The following OSTC variants were observed in gnomAD, a reference collection of about 807,000 sequenced individuals.
The protein encoded by OSTC is oligosaccharyltransferase complex subunit OSTC.
OSTC carries 16 observed loss-of-function variants against 16.4 expected under a neutral mutation model. That is an observed-to-expected ratio of 0.98 (90% CI 0.66 to 1.49). OSTC has a LOEUF of 1.49. Ranked by LOEUF, OSTC falls within the 40% of genes most tolerant of loss-of-function variation. The pLI, the probability that OSTC is intolerant of heterozygous loss-of-function variation, is 0.00. For missense variants in OSTC, 139 were observed against 186.3 expected, an observed-to-expected ratio of 0.75 and a Z score of 1.48; for synonymous variants, 67 against 68.5, an observed-to-expected ratio of 0.98 and a Z score of 0.11.
At position 108,667,307 on chromosome 4, in the gene OSTC, T is replaced by C. The variant is rs1245695939; in HGVS notation, c.*42T>C. ...AATCAGTGGATACTGGATTTGCTCC[T>C]GTCAATGAAGTTTTAAAGGCTGTAC... is the stretch of plus-strand genomic sequence containing the variant. On this transcript the variant is annotated 3_prime_UTR_variant, in exon 4 of 4. Coordinates refer to ENST00000361564, the MANE Select transcript of OSTC (RefSeq NM_021227.4). 1.9e-6 allele frequency: 3 copies of C among 1,578,010 alleles called. No homozygotes were observed. Among genetic ancestry groups the C allele is most frequent in the Non-Finnish European group, 2.6e-6 (3 of 1,152,160 alleles).
intron 1 of OSTC, chr4:108,652,379 C>T (rs955130098): frequency 6.6e-6 from 1 of 152,112 alleles, no homozygotes; most frequent in Non-Finnish European, 1.5e-5. Context: ...CGAGAAGCCT[C>T]AGTTTTCTTT....
At chr4:108,658,034 T>C (rs1477735966) in intron 3 of OSTC, among the ~76,000 whole-genome samples, 1 of 149,190 alleles carries the variant, frequency 6.7e-6, no homozygotes, top group African/African-American at 2.5e-5. Flanking sequence ...CGGGCTCAAG[T>C]GATGCTCCTG....
At chr4:108,666,487 A>C (rs2060585) in intron 3 of OSTC, among the ~76,000 whole-genome samples, 122,693 of 151,814 alleles carry the variant, frequency 0.81, 49,875 homozygotes, top group East Asian at 1. Flanking sequence ...AGGTGGATGG[A>C]TTAACTGAGG....
chr4:108,665,445 CTTTT>C (rs371138600), intron 3 of OSTC, among the ~76,000 whole-genome samples: 1 of 114,128 alleles, frequency 8.8e-6, no homozygotes, highest in Non-Finnish European at 1.8e-5. Context: ...TGTTGTAAAC[CTTTT>C]TTTTTTTTTT....
At chr4:108,651,187 G>C (rs1030384021) in intron 1 of OSTC, 2 of 181,806 alleles carry the variant, frequency 1.1e-5, no homozygotes, top group African/African-American at 4.7e-5. Context: ...GTCCTGGGAA[G>C]GTCTAATTTG....
In OSTC at chr4:108,650,749, A is replaced by G. The variant is rs751315559; in HGVS notation, c.94A>G (p.Thr32Ala). The change falls in exon 1 of 4, where the codon ACT (threonine) becomes GCT (alanine). Residue 32 changes from threonine (T) to alanine (A), a missense_variant. Transcript: ENST00000361564. The stretch of plus-strand genomic sequence containing the variant: ...CTGGTTGCACATGCCGTCGGCCATG[A>G]CTGTGTATGCTCTGGTGGTGGTGTC... Reference protein sequence around the residue: ...PPWLHMPSAMTVYALVVVSYF... With the variant: ...PPWLHMPSAMAVYALVVVSYF... 3 of 1,614,174 alleles carry G rather than the reference A, an allele frequency of 1.9e-6. No individual in the cohort carries two copies. Among genetic ancestry groups the G allele is most frequent in the East Asian group, 4.5e-5 (2 of 44,878 alleles).
chr4:108,659,661 C>A (rs998391340), intron 3 of OSTC, among the ~76,000 whole-genome samples: 1 of 151,810 alleles, frequency 6.6e-6, no homozygotes, highest in Non-Finnish European at 1.5e-5. Flanking sequence ...CCCAGCTACT[C>A]GGGAGGCTGA....
At chr4:108,650,896 C>T in intron 1 of OSTC, 102 bp downstream of exon 1, 1 of 1,532,218 alleles carries the variant, frequency 6.5e-7, no homozygotes, top group Non-Finnish European at 8.8e-7. Flanking sequence ...GGAAGCATAG[C>T]TCTGCTTTGG....
intron 3 of OSTC, among the ~76,000 whole-genome samples, chr4:108,665,990 A>G (rs139195323): frequency 1.3e-3 from 204 of 152,284 alleles, no homozygotes; most frequent in Admixed American, 3.2e-3. Context: ...ATAACACCAG[A>G]TTTAATGCTT....
chr4:108,657,717 C>G, intron 3 of OSTC, 70 bp downstream of exon 3: 1 of 1,323,528 alleles, frequency 7.6e-7, no homozygotes, highest in Non-Finnish European at 1.0e-6. Context: ...AATGTAAAGT[C>G]ATAGGACATT....
intron 3 of OSTC, among the ~76,000 whole-genome samples, chr4:108,664,794 G>A (rs1726953272): frequency 6.6e-6 from 1 of 152,040 alleles, no homozygotes; most frequent in African/African-American, 2.4e-5. Context: ...GGGTTTCACT[G>A]TGTTGGCCAG....
chr4:108,665,343 G>A (rs956807343), intron 3 of OSTC, among the ~76,000 whole-genome samples: 3 of 152,056 alleles, frequency 2.0e-5, no homozygotes, highest in African/African-American at 7.2e-5. Flanking sequence ...TTACAGATGA[G>A]GAAACTGAGT....
At chr4:108,664,880 C>T (rs1056924097) in intron 3 of OSTC, among the ~76,000 whole-genome samples, 26 of 152,296 alleles carry the variant, frequency 1.7e-4, no homozygotes, top group African/African-American at 6.3e-4. Flanking sequence ...GCGTGAGCCA[C>T]TGTGCCCAGC....
At position 108,667,226 on chromosome 4, in the gene OSTC, CTTATAA is replaced by C. The variant is rs373765560; in HGVS notation, c.432-15_432-10del. The C allele has an allele frequency of 6.4e-4, 1,030 of 1,599,000 alleles. 7 individuals are homozygous for C. In the African/African-American group the frequency reaches 0.012, roughly 18 times the overall value. ...AAAACAATTCTTTTCACTTTTTGTG[CTTATAA>C]TTATATTTCTGCAGGGGCTATCTGA... On this transcript the variant is annotated splice_polypyrimidine_tract_variant and intron_variant, in intron 3 of 3. Transcript: ENST00000361564.
chr4:108,650,944 A>C (rs1448797872), intron 1 of OSTC, 150 bp downstream of exon 1: 16 of 1,126,690 alleles, frequency 1.4e-5, no homozygotes, highest in Non-Finnish European at 1.9e-5. Context: ...TGGGGTCCGA[A>C]GTGTTAACGT....
In OSTC at chr4:108,657,773, A is replaced by G. The variant is rs541208398; in HGVS notation, c.431+126A>G. On this transcript the variant is annotated intron_variant, in intron 3 of 3. Transcript: ENST00000361564. ...TGGGTGAAAAATCCAGAAACCAAAT[A>G]TATTTGTAACTTGGTCAGGTTACAG... The G allele has an allele frequency of 1.3e-5, 11 of 845,750 alleles. No individual in the cohort carries two copies. The African/African-American group carries it at 1.9e-4, about 14-fold the overall frequency. 52.4% of individuals were successfully genotyped at this position (845,750 alleles called of 1,614,324 possible).
intron 3 of OSTC, chr4:108,663,224 C>T (rs944487737): frequency 2.4e-5 from 11 of 455,538 alleles, no homozygotes; most frequent in African/African-American, 1.4e-4. Context: ...TGTTTTGTTT[C>T]GTATTGAGAC....
chr4:108,655,538 A>C, intron 1 of OSTC, 26 bp from the exon 2 acceptor site: 1 of 1,388,946 alleles, frequency 7.2e-7, no homozygotes, highest in Non-Finnish European at 1.0e-6. Flanking sequence ...AATACAATCT[A>C]ATCTGTTCTG....
Position 108,667,448 on chromosome 4 carries a change from A to G in OSTC, c.*183A>G. 1 of 472,510 alleles carries G rather than the reference A, an allele frequency of 2.1e-6. No individual in the cohort carries two copies. Among genetic ancestry groups the G allele is most frequent in the African/African-American group, 2.0e-5 (1 of 50,256 alleles). The allele number at this position is 472,510 out of a possible 1,614,324, so 29.3% of individuals were successfully genotyped here. A position where few individuals can be genotyped will look rare whatever the true frequency, so the allele number is the denominator to read the frequency against. On this transcript the variant is annotated 3_prime_UTR_variant, in exon 4 of 4. Transcript: ENST00000361564. ...CTAGAATTTCTTCTTGGTATTAAAGAGACAAGTTTATCACAGAATTTTTTT... is the reference window on the plus strand; with the variant it reads ...CTAGAATTTCTTCTTGGTATTAAAGGGACAAGTTTATCACAGAATTTTTTT...
Sources: allele counts gnomAD v4.1 joint callset (sites outside exome capture counted in the v4.1 genomes callset), GRCh38; gene constraint gnomAD v4.1.1; transcripts MANE v1.5; gene names NCBI Gene and HGNC (gene_info 2026-07-23, HGNC 2026-07-21).